The following SH3PXD2A variants were observed in gnomAD, a reference collection of about 807,000 sequenced individuals.
SH3PXD2A encodes SH3 and PX domain-containing protein 2A.
Under a neutral mutation model 115.2 loss-of-function variants are expected in SH3PXD2A, and 32 were observed. The ratio of observed to expected loss-of-function variants is 0.28; its 90% CI spans 0.21 to 0.37. The LOEUF is 0.37. Among genes scored for constraint, SH3PXD2A ranks in the 10% least tolerant of loss-of-function variants. SH3PXD2A has a pLI of 1.00. For synonymous variants in SH3PXD2A, 610 were observed against 629.1 expected (o/e 0.97, Z 0.45); for missense variants, 1,328 against 1,498.7 (o/e 0.89, Z 1.88).
chr10:103,820,072 C>G (rs1202085293), intron 1 of SH3PXD2A, among the ~76,000 whole-genome samples: 1 of 152,084 alleles, frequency 6.6e-6, no homozygotes, highest in South Asian at 2.1e-4. Context: ...ATGCAGGGAG[C>G]GTTAGCGACT....
chr10:103,854,696 G>A (rs1488259073), intron 1 of SH3PXD2A, among the ~76,000 whole-genome samples: 10 of 152,228 alleles, frequency 6.6e-5, no homozygotes, highest in Admixed American at 5.9e-4. Context: ...TTGGGCAAGG[G>A]GGCGGCGGCT....
At chr10:103,622,697 C>G (rs1269398704) in intron 9 of SH3PXD2A, 144 bp from the exon 10 acceptor site, 5 of 638,810 alleles carry the variant, frequency 7.8e-6, no homozygotes, top group Non-Finnish European at 1.4e-5. Flanking sequence ...CTGGACTGAA[C>G]CAAAGGGCAC....
At chr10:103,841,284 G>A (rs891297579) in intron 1 of SH3PXD2A, among the ~76,000 whole-genome samples, 12 of 152,112 alleles carry the variant, frequency 7.9e-5, no homozygotes, top group Non-Finnish European at 1.0e-4. Context: ...AGGAATTCAC[G>A]CCCCTACCTG....
At chr10:103,804,314 C>G (rs79698060) in intron 1 of SH3PXD2A, among the ~76,000 whole-genome samples, 3 of 59,672 alleles carry the variant, frequency 5.0e-5, no homozygotes, top group Non-Finnish European at 8.8e-5. Flanking sequence ...TTGACATCAT[C>G]TTTTTTTTTT....
At chr10:103,675,957 T>G (rs986365343) in intron 6 of SH3PXD2A, among the ~76,000 whole-genome samples, 2 of 151,938 alleles carry the variant, frequency 1.3e-5, no homozygotes, top group Admixed American at 1.3e-4. Flanking sequence ...GAGAATTGCT[T>G]GAATCCGGGA....
At chr10:103,815,427 TACAC>T (rs572395591) in intron 1 of SH3PXD2A, among the ~76,000 whole-genome samples, 3 of 148,516 alleles carry the variant, frequency 2.0e-5, no homozygotes, top group South Asian at 2.1e-4. Flanking sequence ...ATATACAATA[TACAC>T]ACACACATAT....
intron 6 of SH3PXD2A, among the ~76,000 whole-genome samples, chr10:103,672,806 T>C (rs2037481471): frequency 6.6e-6 from 1 of 152,166 alleles, no homozygotes; most frequent in Non-Finnish European, 1.5e-5. Context: ...GGGACAAAGC[T>C]GAAAGCAAAA....
intron 2 of SH3PXD2A, among the ~76,000 whole-genome samples, chr10:103,775,223 T>G (rs2038866568): frequency 6.6e-6 from 1 of 152,210 alleles, no homozygotes; most frequent in Non-Finnish European, 1.5e-5. Flanking sequence ...CAAAGAAGTC[T>G]TCTTTGACCA....
rs995835207 is a variant in SH3PXD2A, at chr10:103,729,483, G to A, written c.307-5122C>T. Reference sequence around the variant, plus strand: ...GATTGAGACTTTCTAATAGAGCTCAGGTGAGCTCAGAGGGTTCCGAAGGCC... The same window carrying A: ...GATTGAGACTTTCTAATAGAGCTCAAGTGAGCTCAGAGGGTTCCGAAGGCC... On this transcript the variant is annotated intron_variant, in intron 4 of 14. Coordinates refer to ENST00000369774, the MANE Select transcript of SH3PXD2A (RefSeq NM_001394015.1). Among the ~76,000 whole-genome samples, 5 of 152,256 alleles carry A rather than the reference G, an allele frequency of 3.3e-5. 1 individual carries two copies. The South Asian group carries it at 1.0e-3, about 32-fold the overall frequency.
intron 1 of SH3PXD2A, among the ~76,000 whole-genome samples, chr10:103,851,744 T>C (rs758229615): frequency 2.0e-5 from 3 of 152,248 alleles, no homozygotes; most frequent in African/African-American, 7.2e-5. Flanking sequence ...CGATGGTAAC[T>C]GCTAAACTGG....
At chr10:103,767,224 T>A in intron 2 of SH3PXD2A, 55 bp from the exon 3 acceptor site, 5 of 1,371,226 alleles carry the variant, frequency 3.6e-6, no homozygotes, top group Non-Finnish European at 5.2e-6. Flanking sequence ...ACATTCCTCA[T>A]CATCCCTTCC....
At chr10:103,732,484 A>G (rs1046330334) in intron 4 of SH3PXD2A, among the ~76,000 whole-genome samples, 6 of 152,218 alleles carry the variant, frequency 3.9e-5, no homozygotes, top group African/African-American at 1.4e-4. Flanking sequence ...TTCCCATCCA[A>G]TCTGCTGCTT....
chr10:103,739,964 C>T (rs1286268703), intron 3 of SH3PXD2A, among the ~76,000 whole-genome samples: 2 of 152,184 alleles, frequency 1.3e-5, no homozygotes, highest in African/African-American at 4.8e-5. Context: ...AAACAGGTCC[C>T]TTCTCCACTG....
intron 8 of SH3PXD2A, among the ~76,000 whole-genome samples, chr10:103,633,762 G>C (rs1465209329): frequency 7.4e-6 from 1 of 134,378 alleles, no homozygotes; most frequent in Non-Finnish European, 1.6e-5. Flanking sequence ...AAAAGACTCA[G>C]CTCCAAGTCT....
At chr10:103,720,429 G>C (rs1276724929) in intron 5 of SH3PXD2A, among the ~76,000 whole-genome samples, 2 of 152,188 alleles carry the variant, frequency 1.3e-5, no homozygotes, top group African/African-American at 4.8e-5. Flanking sequence ...GATCAAAGCC[G>C]AGGCGCTCAG....
At chr10:103,854,892 T>C (rs565550135) in intron 1 of SH3PXD2A, among the ~76,000 whole-genome samples, 11 of 152,118 alleles carry the variant, frequency 7.2e-5, no homozygotes, top group African/African-American at 2.7e-4. Flanking sequence ...TGTGAGGGGT[T>C]GACGAAAGCT....
intron 5 of SH3PXD2A, 33 bp downstream of exon 5, chr10:103,724,237 C>A: frequency 7.6e-7 from 1 of 1,311,836 alleles, no homozygotes; most frequent in Non-Finnish European, 1.0e-6. Flanking sequence ...CACGCCTCCC[C>A]AGCACACAGG....
At chr10:103,617,147 G>A in intron 11 of SH3PXD2A, 50 bp downstream of exon 11, 1 of 1,333,584 alleles carries the variant, frequency 7.5e-7, no homozygotes, top group Non-Finnish European at 1.1e-6. Flanking sequence ...ACTCTGCCCA[G>A]GGCCCAGGTG....
chr10:103,644,041 G>A (rs1486993699), intron 8 of SH3PXD2A, among the ~76,000 whole-genome samples: 1 of 146,316 alleles, frequency 6.8e-6, no homozygotes, highest in African/African-American at 2.6e-5. Flanking sequence ...TGTGAACCAC[G>A]GACATGGAGC....
Sources: gnomAD v4.1 joint callset for allele counts (sites outside exome capture counted in the v4.1 genomes callset) on GRCh38, gnomAD v4.1.1 for gene constraint, MANE v1.5 for transcripts, NCBI Gene and HGNC (gene_info 2026-07-23, HGNC 2026-07-21) for gene names.